LHFPL3: variants seen among roughly 807,000 people sequenced by gnomAD.
The protein encoded by LHFPL3 is LHFPL tetraspan subfamily member 3 protein.
A neutral mutation model predicts 19.3 loss-of-function variants in LHFPL3; 5 were observed. The observed-to-expected ratio is 0.26, with a 90% CI of 0.14 to 0.54. The LOEUF is 0.54. LHFPL3 is among the 20% of genes least tolerant of loss of function. The probability of loss-of-function intolerance (pLI) is 0.94; values close to 1 mark genes in which losing one functional copy is unlikely to be tolerated. For synonymous variants in LHFPL3, 133 were observed against 126.2 expected (o/e 1.05, Z -0.36); for missense variants, 249 against 307.4 (o/e 0.81, Z 1.42).
intron 1 of LHFPL3, among the ~76,000 whole-genome samples, chr7:104,541,773 C>T (rs1193965678): frequency 2.0e-5 from 3 of 152,098 alleles, no homozygotes; most frequent in Non-Finnish European, 2.9e-5. Context: ...TTTTTCTCTA[C>T]ATTTGAGAGT....
rs1792209648 is a variant in LHFPL3 at position 104,889,646 on chromosome 7, A to T, written c.683-16541A>T. 2.0e-5 allele frequency among the ~76,000 whole-genome samples: 3 copies of T among 152,278 alleles called. No individual in the cohort carries two copies. In the South Asian group the frequency reaches 6.2e-4, roughly 32 times the overall value. ...CAGAGCAAGACTCTGTCTCAGAAAC[A>T]AAAACAAGGAAAGTATTGGCTTTTC... On this transcript the variant is annotated intron_variant, in intron 2 of 2. Transcript: ENST00000424859.
chr7:104,343,555 A>G (rs1348223522), intron 1 of LHFPL3, among the ~76,000 whole-genome samples: 1 of 143,822 alleles, frequency 7.0e-6, no homozygotes, highest in African/African-American at 2.5e-5. Flanking sequence ...AAAAAAAGCC[A>G]AGCTTGAATT....
At chr7:104,446,657 C>A (rs1019913957) in intron 1 of LHFPL3, among the ~76,000 whole-genome samples, 2 of 152,066 alleles carry the variant, frequency 1.3e-5, no homozygotes, top group East Asian at 1.9e-4. Flanking sequence ...CTCACTGCAA[C>A]CTCTACCTCC....
intron 2 of LHFPL3, among the ~76,000 whole-genome samples, chr7:104,797,574 CT>C (rs1001995135): frequency 1.1e-4 from 17 of 151,396 alleles, no homozygotes; most frequent in African/African-American, 3.4e-4. Context: ...TTAAAATCTA[CT>C]TTTTTTTTAA....
chr7:104,581,013 T>G (rs545631864), intron 1 of LHFPL3, among the ~76,000 whole-genome samples: 1 of 152,142 alleles, frequency 6.6e-6, no homozygotes, highest in South Asian at 2.1e-4. Flanking sequence ...TTTTTGTGGA[T>G]TTGTTCCATT....
chr7:104,686,991 A>G (rs1438145307), intron 1 of LHFPL3, among the ~76,000 whole-genome samples: 2 of 152,214 alleles, frequency 1.3e-5, no homozygotes, highest in African/African-American at 4.8e-5. Context: ...AACTGCCCCC[A>G]TAATCTAATC....
intron 1 of LHFPL3, among the ~76,000 whole-genome samples, chr7:104,446,601 A>C (rs1792334613): frequency 6.6e-6 from 1 of 151,944 alleles, no homozygotes; most frequent in African/African-American, 2.4e-5. Flanking sequence ...TATGAGATGG[A>C]GTCTCACTCT....
intron 1 of LHFPL3, among the ~76,000 whole-genome samples, chr7:104,433,994 A>G (rs1792050610): frequency 6.6e-6 from 1 of 152,226 alleles, no homozygotes; most frequent in Non-Finnish European, 1.5e-5. Flanking sequence ...ATATTAACTT[A>G]TATGTAAGCC....
chr7:104,585,781 C>T (rs1053159877), intron 1 of LHFPL3, among the ~76,000 whole-genome samples: 32 of 152,052 alleles, frequency 2.1e-4, no homozygotes, highest in African/African-American at 7.7e-4. Flanking sequence ...TTGTAATGTA[C>T]TTTTGAAAGC....
chr7:104,485,643 A>G (rs932915743), intron 1 of LHFPL3, among the ~76,000 whole-genome samples: 2 of 152,136 alleles, frequency 1.3e-5, no homozygotes, highest in Non-Finnish European at 2.9e-5. Context: ...ATTATACTTT[A>G]AGTTCTAGGG....
chr7:104,718,823 G>T (rs1793437912), intron 1 of LHFPL3, among the ~76,000 whole-genome samples: 1 of 152,018 alleles, frequency 6.6e-6, no homozygotes, highest in African/African-American at 2.4e-5. Context: ...AAGTAACTAT[G>T]GCACAAAGTG....
chr7:104,562,247 A>C (rs1292957777), intron 1 of LHFPL3, among the ~76,000 whole-genome samples: 1 of 151,612 alleles, frequency 6.6e-6, no homozygotes, highest in Non-Finnish European at 1.5e-5. Context: ...TAGATTGGGG[A>C]AGTTCTCCTG....
At chr7:104,659,020 G>A (rs1439947162) in intron 1 of LHFPL3, among the ~76,000 whole-genome samples, 1 of 152,214 alleles carries the variant, frequency 6.6e-6, no homozygotes, top group Non-Finnish European at 1.5e-5. Flanking sequence ...CCGAGGTTCA[G>A]TGAGGTCCCA....
chr7:104,516,381 G>A (rs1191218130), intron 1 of LHFPL3, among the ~76,000 whole-genome samples: 1 of 152,024 alleles, frequency 6.6e-6, no homozygotes, highest in Non-Finnish European at 1.5e-5. Flanking sequence ...TGTGATTTGG[G>A]TAGGGACACA....
chr7:104,398,199 A>G (rs1228122469), intron 1 of LHFPL3, among the ~76,000 whole-genome samples: 3 of 152,174 alleles, frequency 2.0e-5, no homozygotes, highest in East Asian at 1.9e-4. Context: ...AGTGAGGACC[A>G]ACATCTTGTA....
At chr7:104,652,897 G>C (rs886955637) in intron 1 of LHFPL3, among the ~76,000 whole-genome samples, 2 of 151,978 alleles carry the variant, frequency 1.3e-5, no homozygotes, top group Non-Finnish European at 2.9e-5. Context: ...GCAGAGTCAG[G>C]GAAGTGGAAA....
chr7:104,332,598 A>T (rs1184171474), intron 1 of LHFPL3, among the ~76,000 whole-genome samples: 1 of 152,194 alleles, frequency 6.6e-6, no homozygotes, highest in Non-Finnish European at 1.5e-5. Flanking sequence ...AATATAAAAA[A>T]TTATTATTTT....
rs928922107 is a variant in LHFPL3 at position 104,539,764 on chromosome 7, G to A, written c.446-196911G>A. Reference sequence around the variant, plus strand: ...CATTTAAATTACTTTCTTTTAACCTGAGATTATGCTCTTTTCCACTTTTTT... The same window carrying A: ...CATTTAAATTACTTTCTTTTAACCTAAGATTATGCTCTTTTCCACTTTTTT... On this transcript the variant is annotated intron_variant, in intron 1 of 2. Coordinates refer to ENST00000424859, the MANE Select transcript of LHFPL3 (RefSeq NM_199000.3). Among the ~76,000 whole-genome samples the A allele has an allele frequency of 2.0e-5, 3 of 152,152 alleles. No homozygotes were observed. The East Asian group carries it at 5.8e-4, about 29-fold the overall frequency.
chr7:104,516,520 A>G (rs981969162), intron 1 of LHFPL3, among the ~76,000 whole-genome samples: 2 of 152,162 alleles, frequency 1.3e-5, no homozygotes, highest in African/African-American at 4.8e-5. Context: ...AATTAATTTG[A>G]TTGGTTGATT....
Sources: allele counts gnomAD v4.1 joint callset (sites outside exome capture counted in the v4.1 genomes callset), GRCh38; gene constraint gnomAD v4.1.1; transcripts MANE v1.5; gene names NCBI Gene and HGNC (gene_info 2026-07-23, HGNC 2026-07-21).